The following RASGRF1 variants were observed in gnomAD, a reference collection of about 807,000 sequenced individuals.
The protein encoded by RASGRF1 is ras-specific guanine nucleotide-releasing factor 1.
RASGRF1 carries 40 observed loss-of-function variants against 138.7 expected under a neutral mutation model. The observed-to-expected ratio is 0.29, with a 90% CI of 0.22 to 0.38. The LOEUF is 0.38. Among genes scored for constraint, RASGRF1 ranks in the 10% least tolerant of loss-of-function variants. RASGRF1 has a pLI of 1.00. For synonymous variants in RASGRF1, 614 were observed against 663.2 expected, an observed-to-expected ratio of 0.93 and a Z score of 1.14; for missense variants, 1,108 against 1,650.4, an observed-to-expected ratio of 0.67 and a Z score of 5.69.
intron 14 of RASGRF1, among the ~76,000 whole-genome samples, chr15:79,004,495 C>G (rs933669279): frequency 8.5e-5 from 13 of 152,112 alleles, no homozygotes; most frequent in African/African-American, 3.1e-4. Flanking sequence ...GCAAAACCCC[C>G]CTCCATCCCA....
At chr15:79,011,539 T>C (rs922149574) in intron 13 of RASGRF1, among the ~76,000 whole-genome samples, 4 of 152,182 alleles carry the variant, frequency 2.6e-5, no homozygotes, top group Non-Finnish European at 5.9e-5. Context: ...ACCCTCTGTG[T>C]CCCCTGCCCA....
rs186436784 is a variant in RASGRF1, at chr15:79,082,098, T to A, written c.276+8125A>T. On this transcript the variant is annotated intron_variant, in intron 1 of 26. Coordinates refer to ENST00000558480, the MANE Select transcript of RASGRF1 (RefSeq NM_001145648.3). ...CAGCTACTGTGTGTGTGCCCGATGA[T>A]CAGATTTGCATTTTAGAAAGATTTT... Among the ~76,000 whole-genome samples, 258 of 152,232 alleles carry A rather than the reference T, an allele frequency of 1.7e-3. 1 individual carries two copies. Among genetic ancestry groups the A allele is most frequent in the Middle Eastern group, 3.4e-3 (1 of 294 alleles).
chr15:79,065,894 G>A (rs1156311144), intron 1 of RASGRF1, among the ~76,000 whole-genome samples: 8 of 151,642 alleles, frequency 5.3e-5, no homozygotes, highest in Admixed American at 2.0e-4. Context: ...GGTGGCAGCC[G>A]GGTGTATGTG....
intron 23 of RASGRF1, among the ~76,000 whole-genome samples, chr15:78,983,532 G>A (rs1016171454): frequency 7.2e-5 from 11 of 152,200 alleles, no homozygotes; most frequent in Non-Finnish European, 1.3e-4. Context: ...AGCCTAAGTG[G>A]GGTGGGAAAC....
chr15:79,088,727 G>A (rs2058014438), intron 1 of RASGRF1, among the ~76,000 whole-genome samples: 1 of 152,206 alleles, frequency 6.6e-6, no homozygotes, highest in South Asian at 2.1e-4. Context: ...GGCTGGAGAG[G>A]GGCAAGTTCT....
intron 7 of RASGRF1, among the ~76,000 whole-genome samples, chr15:79,031,726 T>G (rs1278818613): frequency 1.2e-3 from 116 of 98,678 alleles, no homozygotes; most frequent in African/African-American, 1.4e-3. Flanking sequence ...GAGCATGGGG[T>G]GCGGGCCAGG....
chr15:78,971,808 T>C (rs1596310996), intron 26 of RASGRF1, 58 bp downstream of exon 26: 1 of 1,458,416 alleles, frequency 6.9e-7, no homozygotes, highest in African/African-American at 1.4e-5. Flanking sequence ...GGGTGGAAGG[T>C]GGCCTAGACA....
chr15:79,030,182 C>T (rs901113904), intron 8 of RASGRF1, among the ~76,000 whole-genome samples: 5 of 152,204 alleles, frequency 3.3e-5, no homozygotes, highest in African/African-American at 1.2e-4. Context: ...TCCCTCCACC[C>T]AGCTGGGAGC....
At chr15:78,981,473 G>A (rs2056028628) in intron 23 of RASGRF1, 1 of 152,248 alleles carries the variant, frequency 6.6e-6, no homozygotes, top group Non-Finnish European at 1.5e-5. Context: ...GATTCAGAAT[G>A]TGGCTGAGAA....
intron 24 of RASGRF1, among the ~76,000 whole-genome samples, chr15:78,975,382 G>A (rs2055849835): frequency 7.0e-6 from 1 of 142,082 alleles, no homozygotes; most frequent in African/African-American, 2.8e-5. Flanking sequence ...TATATTTACT[G>A]TGCTTTGTGA....
chr15:78,972,887 C>T (rs1023017058), intron 25 of RASGRF1, among the ~76,000 whole-genome samples: 4 of 152,076 alleles, frequency 2.6e-5, no homozygotes, highest in East Asian at 1.9e-4. Flanking sequence ...AAGCAAGTGT[C>T]GATACGAACA....
At chr15:79,001,983 G>A (rs890004077) in intron 15 of RASGRF1, among the ~76,000 whole-genome samples, 196 bp from the exon 16 acceptor site, 1 of 152,142 alleles carries the variant, frequency 6.6e-6, no homozygotes, top group Non-Finnish European at 1.5e-5. Flanking sequence ...GAGCACTGTC[G>A]ATCTCCAAGG....
intron 17 of RASGRF1, among the ~76,000 whole-genome samples, chr15:78,999,494 C>T (rs1175033171): frequency 1.3e-5 from 2 of 152,116 alleles, no homozygotes; most frequent in Non-Finnish European, 2.9e-5. Context: ...TGACCCAGCA[C>T]CTCCACAAGT....
At chr15:79,047,368 T>C (rs2057369389) in intron 4 of RASGRF1, among the ~76,000 whole-genome samples, 1 of 152,172 alleles carries the variant, frequency 6.6e-6, no homozygotes, top group South Asian at 2.1e-4. Flanking sequence ...TTGGAAGCAT[T>C]CGCTGGAGGA....
rs950690194 is a variant in RASGRF1, at chr15:79,006,349, C to T, written c.1912G>A (p.Ala638Thr). The change falls in exon 14 of 27, where the codon GCC becomes ACC. Residue 638 changes from alanine (A) to threonine (T), a missense_variant. This residue lies in a region of RASGRF1 where 686 missense variants were observed against 976.7 expected (regional missense o/e 0.70). Coordinates refer to ENST00000558480, the MANE Select transcript of RASGRF1 (RefSeq NM_001145648.3). The surrounding 1 kb of genome is among the most constrained non-coding windows in gnomAD (Gnocchi z 4.0). The part of the protein sequence containing the change: ...NSCKVLQIRY[A>T]SVERLLERLT... The stretch of plus-strand genomic sequence containing the variant: ...CTCTCCAGCAGCCGCTCCACACTGG[C>T]GTAGCGGATCTGCAGCACTTTGCAG... 8 of 1,614,100 alleles carry T rather than the reference C, an allele frequency of 5.0e-6. No individual in the cohort carries two copies. Among genetic ancestry groups the T allele is most frequent in the African/African-American group, 1.3e-5 (1 of 74,936 alleles).
chr15:79,032,629 C>A lies in RASGRF1; in HGVS notation c.959-313G>T, dbSNP rs559590061. Among the ~76,000 whole-genome samples the A allele has an allele frequency of 2.6e-5, 4 of 152,236 alleles. No homozygotes were observed. The highest frequency in any genetic ancestry group is 9.6e-5 in the African/African-American group (4 of 41,552). On this transcript the variant is annotated intron_variant, in intron 6 of 26. Transcript: ENST00000558480. The surrounding 1 kb of genome is among the most constrained non-coding windows in gnomAD (Gnocchi z 4.5). The stretch of plus-strand genomic sequence containing the variant: ...GGGCGCTGTGGGGTGCCACCTGGAT[C>A]CCCCCAGCTGCCAGGAGTGCTGGTG...
intron 5 of RASGRF1, among the ~76,000 whole-genome samples, chr15:79,042,786 A>G (rs2057313033): frequency 6.6e-6 from 1 of 152,226 alleles, no homozygotes; most frequent in Non-Finnish European, 1.5e-5. Flanking sequence ...AGCCCAGCAC[A>G]ATGCAGGTCC....
chr15:79,005,645 A>G, intron 14 of RASGRF1: 5 of 991,312 alleles, frequency 5.0e-6, no homozygotes, highest in Non-Finnish European at 6.0e-6. Context: ...GACTCACCCC[A>G]AGTAGGCCAA....
chr15:79,030,976 A>C (rs532899124), intron 8 of RASGRF1, among the ~76,000 whole-genome samples: 1 of 151,976 alleles, frequency 6.6e-6, no homozygotes, highest in Non-Finnish European at 1.5e-5. Flanking sequence ...TGCTTATCCA[A>C]CCACTGCCAC....
Sources: gnomAD v4.1 joint callset for allele counts (sites outside exome capture counted in the v4.1 genomes callset) on GRCh38, gnomAD v4.1.1 for gene constraint, gnomAD v4.1.1 regional missense constraint, Gnocchi (gnomAD v3.1) non-coding constraint, MANE v1.5 for transcripts, NCBI Gene and HGNC (gene_info 2026-07-23, HGNC 2026-07-21) for gene names.